The following CCDC88A variants were observed in gnomAD, a reference collection of about 807,000 sequenced individuals.
The protein encoded by CCDC88A is coiled-coil and HOOK domain protein 88A, also known as girdin.
Under a neutral mutation model 234.3 loss-of-function variants are expected in CCDC88A, and 54 were observed. The observed-to-expected ratio is 0.23, with a 90% CI of 0.19 to 0.29. The LOEUF (loss-of-function observed/expected upper bound fraction) is 0.29. Ranked by LOEUF, CCDC88A falls within the 10% of genes least tolerant of loss-of-function variation. The probability of loss-of-function intolerance (pLI) is 1.00; values close to 1 mark genes in which losing one functional copy is unlikely to be tolerated. For missense variants in CCDC88A, 1,832 were observed against 2,123.4 expected (o/e 0.86, Z 2.70); for synonymous variants, 753 against 737.8 (o/e 1.02, Z -0.33).
chr2:55,389,094 G>A (rs1313643087), intron 2 of CCDC88A, among the ~76,000 whole-genome samples: 2 of 152,138 alleles, frequency 1.3e-5, no homozygotes, highest in Non-Finnish European at 2.9e-5. Flanking sequence ...CCCAAAGCAA[G>A]AACAAAATTA....
intron 7 of CCDC88A, chr2:55,355,984 T>TTTTA (rs1023454312): frequency 6.9e-5 from 21 of 305,164 alleles, no homozygotes; most frequent in African/African-American, 2.2e-4. Context: ...CTTCCTAGTT[T>TTTTA]TTTATTTATT....
intron 31 of CCDC88A, chr2:55,295,184 C>T (rs1244123227): frequency 1.5e-6 from 2 of 1,311,672 alleles, no homozygotes; most frequent in African/African-American, 3.0e-5. Context: ...TTATAGAAAA[C>T]TGTAGGTTAC....
At chr2:55,407,474 G>A (rs1308435518) in intron 2 of CCDC88A, among the ~76,000 whole-genome samples, 2 of 151,306 alleles carry the variant, frequency 1.3e-5, no homozygotes, top group Non-Finnish European at 2.9e-5. Context: ...GCATGGTGGT[G>A]GGTGCCTATA....
At chr2:55,314,432 T>C (rs1185572732) in intron 22 of CCDC88A, 2 of 152,134 alleles carry the variant, frequency 1.3e-5, no homozygotes, top group Non-Finnish European at 2.9e-5. Flanking sequence ...TTAGATGGAG[T>C]TTCGCTCTTT....
At chr2:55,314,836 A>G (rs1014198671) in intron 22 of CCDC88A, among the ~76,000 whole-genome samples, 4 of 152,328 alleles carry the variant, frequency 2.6e-5, no homozygotes, top group African/African-American at 9.6e-5. Context: ...TCTTCCAACC[A>G]CTATCCCTTC....
At chr2:55,390,592 C>T (rs1431433704) in intron 2 of CCDC88A, among the ~76,000 whole-genome samples, 1 of 152,190 alleles carries the variant, frequency 6.6e-6, no homozygotes, top group Non-Finnish European at 1.5e-5. Flanking sequence ...AACTAGAAAA[C>T]TGGACAAAGC....
chr2:55,342,615 A>T (rs1404367619), intron 12 of CCDC88A, among the ~76,000 whole-genome samples: 1 of 152,164 alleles, frequency 6.6e-6, no homozygotes, highest in Non-Finnish European at 1.5e-5. Context: ...AGTTTCACAA[A>T]TATCTCAAGT....
chr2:55,372,461 A>G lies in CCDC88A; in HGVS notation c.393T>C (p.Cys131=), dbSNP rs748802826. The G allele has an allele frequency of 1.3e-6, 2 of 1,513,646 alleles. No homozygotes were observed. The highest frequency in any genetic ancestry group is 2.4e-5 in the South Asian group (2 of 85,076). The allele number at this position is 1,513,646 out of a possible 1,614,324, so 93.8% of individuals were successfully genotyped here. A position where few individuals can be genotyped will look rare whatever the true frequency, so the allele number is the denominator to read the frequency against. Residue 131 remains cysteine, a synonymous_variant, in exon 5 of 33, where the codon TGT becomes TGC. Coordinates refer to ENST00000436346, the MANE Select transcript of CCDC88A (RefSeq NM_001365480.1). ...VKKLLLLLLG[C]AVQCQKKEEF... is the part of the protein sequence containing the mutation. ...AAATATTTTAACTTACCTGAACTGC[A>G]CAACCCAATAAAAGTAAAAGCAGTT... is the stretch of plus-strand genomic sequence containing the variant.
At chr2:55,359,566 G>A (rs1574273725) in intron 7 of CCDC88A, among the ~76,000 whole-genome samples, 2 of 150,502 alleles carry the variant, frequency 1.3e-5, no homozygotes, top group South Asian at 2.1e-4. Context: ...AACGAATTTC[G>A]TATGCCCCCC....
chr2:55,378,166 C>G (rs1027246315), intron 3 of CCDC88A, among the ~76,000 whole-genome samples: 3 of 152,178 alleles, frequency 2.0e-5, no homozygotes, highest in Non-Finnish European at 4.4e-5. Flanking sequence ...TTTCCTCCAC[C>G]TTCTTCCTCA....
chr2:55,333,352 A>G (rs562891798), intron 15 of CCDC88A, among the ~76,000 whole-genome samples: 2 of 152,246 alleles, frequency 1.3e-5, no homozygotes, highest in African/African-American at 4.8e-5. Flanking sequence ...TGCATCAACC[A>G]TGTTTCACAG....
chr2:55,398,793 A>G (rs1187073460), intron 2 of CCDC88A, among the ~76,000 whole-genome samples: 1 of 152,008 alleles, frequency 6.6e-6, no homozygotes, highest in African/African-American at 2.4e-5. Context: ...TGAGCCCAGG[A>G]GTTTGAGGCT....
intron 7 of CCDC88A, chr2:55,362,029 G>C (rs1275558726): frequency 4.1e-6 from 1 of 246,898 alleles, no homozygotes; most frequent in African/African-American, 2.2e-5. Context: ...CTTTTGTATT[G>C]TTGCCAAAGC....
Position 55,334,396 on chromosome 2 carries a change from T to C in CCDC88A, c.2425A>G (p.Arg809Gly). The C allele has an allele frequency of 6.3e-7, 1 of 1,579,602 alleles. No individual in the cohort carries two copies. ...NLEELKISSK[R>G]LEQLEKENKS... ...TTTTCTTTTTCCAGCTGTTCTAGTCTTTTGCTAGATATTTTTAGTTCTTCT... is the reference window on the plus strand; with the variant it reads ...TTTTCTTTTTCCAGCTGTTCTAGTCCTTTGCTAGATATTTTTAGTTCTTCT... Residue 809 changes from arginine to glycine, a missense_variant, in exon 15 of 33, where the codon AGA becomes GGA. Arg to Gly is a moderately radical substitution (Grantham distance 125). Around this residue, in one of 6 missense-constraint regions of CCDC88A, gnomAD observed 1,282 missense variants for 1,543.6 expected, o/e 0.83. Transcript: ENST00000436346. This position sits in a 1 kb window ranked among gnomAD's most constrained non-coding sequence, Gnocchi z 6.1.
At chr2:55,401,466 ACATATGTGTGTG>A (rs1390102441) in intron 2 of CCDC88A, among the ~76,000 whole-genome samples, 1 of 6,272 alleles carries the variant, frequency 1.6e-4, no homozygotes, top group African/African-American at 5.4e-4. Context: ...ATATATATAT[ACATATGTGTGTG>A]TATGTATGTG....
At chr2:55,294,142 T>C (rs1679758027) in intron 31 of CCDC88A, 2 of 576,732 alleles carry the variant, frequency 3.5e-6, no homozygotes, top group South Asian at 7.7e-5. Flanking sequence ...CCCTTTTTGA[T>C]TAGAAGTAAA....
rs1180994617 is a variant in CCDC88A, at chr2:55,335,206, AAACT to A, written c.1657-46_1657-43del. 7 of 1,257,878 alleles carry A rather than the reference AAACT, an allele frequency of 5.6e-6. No homozygotes were observed. Among genetic ancestry groups the A allele is most frequent in the African/African-American group, 1.5e-5 (1 of 66,314 alleles). 77.9% of individuals were successfully genotyped at this position (1,257,878 alleles called of 1,614,324 possible). Reference sequence around the variant, plus strand: ...ATAATTAAAAGCTGTAATTGAGGAAAAACTAACTATGGTTTATCTCTTCCAAAAA... The same window carrying A: ...ATAATTAAAAGCTGTAATTGAGGAAAAACTATGGTTTATCTCTTCCAAAAA... On this transcript the variant is annotated intron_variant, in intron 14 of 32. Transcript: ENST00000436346. This position sits in a 1 kb window ranked among gnomAD's most constrained non-coding sequence, Gnocchi z 4.5.
chr2:55,367,220 G>C (rs990507533), intron 5 of CCDC88A, among the ~76,000 whole-genome samples: 7 of 152,102 alleles, frequency 4.6e-5, no homozygotes, highest in African/African-American at 1.7e-4. Flanking sequence ...GAGACATAAA[G>C]TAAAATGGTG....
intron 29 of CCDC88A, among the ~76,000 whole-genome samples, chr2:55,298,022 G>A (rs1680403814): frequency 6.6e-6 from 1 of 152,016 alleles, no homozygotes; most frequent in Non-Finnish European, 1.5e-5. Flanking sequence ...TGTTGATATG[G>A]TGCCTATATA....
Sources: gnomAD v4.1 joint callset for allele counts (sites outside exome capture counted in the v4.1 genomes callset) on GRCh38, gnomAD v4.1.1 for gene constraint, gnomAD v4.1.1 regional missense constraint, Gnocchi (gnomAD v3.1) non-coding constraint, MANE v1.5 for transcripts, NCBI Gene and HGNC (gene_info 2026-07-23, HGNC 2026-07-21) for gene names.